Variants in RBKS observed in about 807,000 individuals in gnomAD.
RBKS encodes the protein ribokinase.
Under a neutral mutation model 33.9 loss-of-function variants are expected in RBKS, and 33 were observed. The ratio of observed to expected loss-of-function variants is 0.97; its 90% CI spans 0.74 to 1.30. The LOEUF is 1.30. RBKS is among the 50% of genes most tolerant of loss of function. The pLI is 0.00. For synonymous variants in RBKS, 125 were observed against 143.0 expected, an observed-to-expected ratio of 0.87 and a Z score of 0.90; for missense variants, 361 against 392.6, an observed-to-expected ratio of 0.92 and a Z score of 0.68.
intron 7 of RBKS, among the ~76,000 whole-genome samples, chr2:27,805,875 A>G (rs1313416922): frequency 6.7e-6 from 1 of 148,854 alleles, no homozygotes; most frequent in Non-Finnish European, 1.5e-5. Flanking sequence ...TTGCCCGGCC[A>G]AAAAATGGAT....
intron 5 of RBKS, among the ~76,000 whole-genome samples, chr2:27,833,353 C>G (rs1339576174): frequency 6.6e-6 from 1 of 151,890 alleles, no homozygotes; most frequent in African/African-American, 2.4e-5. Context: ...TGCACTTACA[C>G]AAAAGCTTAC....
intron 7 of RBKS, among the ~76,000 whole-genome samples, chr2:27,784,545 A>C (rs1677362901): frequency 6.6e-6 from 1 of 152,178 alleles, no homozygotes; most frequent in Admixed American, 6.5e-5. Context: ...GGGTTTGAAG[A>C]AAGCGCCCCC....
chr2:27,886,570 T>C (rs1667838862), intron 1 of RBKS, among the ~76,000 whole-genome samples: 3 of 152,032 alleles, frequency 2.0e-5, no homozygotes, highest in African/African-American at 4.8e-5. Flanking sequence ...GGTAGAATGA[T>C]ATAATGGAAA....
At chr2:27,833,009 C>T (rs1678453129) in intron 5 of RBKS, among the ~76,000 whole-genome samples, 1 of 152,000 alleles carries the variant, frequency 6.6e-6, no homozygotes, top group Non-Finnish European at 1.5e-5. Flanking sequence ...TTTCAGCTTC[C>T]AGGGAAAAGA....
intron 1 of RBKS, among the ~76,000 whole-genome samples, chr2:27,882,351 G>A (rs1055768351): frequency 2.0e-5 from 3 of 152,136 alleles, no homozygotes; most frequent in Non-Finnish European, 2.9e-5. Flanking sequence ...GATCATTAGC[G>A]AAATACAAAT....
intron 5 of RBKS, among the ~76,000 whole-genome samples, chr2:27,840,360 G>GCACACA (rs752347864): frequency 1.5e-5 from 1 of 68,328 alleles, no homozygotes; most frequent in Non-Finnish European, 3.8e-5. Flanking sequence ...ACACACGCGC[G>GCACACA]CGCGCACACA....
chr2:27,846,876 T>TA (rs2148213484), intron 4 of RBKS, among the ~76,000 whole-genome samples, 166 bp downstream of exon 4: 1 of 152,294 alleles, frequency 6.6e-6, no homozygotes, highest in South Asian at 2.1e-4. Context: ...GAAGTATAAA[T>TA]AAAGGGAAAC....
intron 7 of RBKS, among the ~76,000 whole-genome samples, chr2:27,816,414 TTTTTCC>T (rs1303905727): frequency 1.3e-5 from 2 of 152,306 alleles, no homozygotes; most frequent in East Asian, 3.9e-4. Flanking sequence ...TCTTCTTCAT[TTTTTCC>T]AGCCACCAGA....
intron 7 of RBKS, among the ~76,000 whole-genome samples, chr2:27,816,548 T>C (rs1678096590): frequency 6.6e-6 from 1 of 152,236 alleles, no homozygotes. Context: ...CTCTGTAACT[T>C]AGTTTTTTTT....
Position 27,837,255 on chromosome 2 carries a change from T to C in RBKS, c.515-4478A>G, listed in dbSNP as rs568417957. Among the ~76,000 whole-genome samples, 16 of 151,968 alleles carry C rather than the reference T, an allele frequency of 1.1e-4. 1 individual carries two copies. Among genetic ancestry groups the C allele is most frequent in the East Asian group, 9.7e-4 (5 of 5,166 alleles). On this transcript the variant is annotated intron_variant, in intron 5 of 7. Coordinates refer to ENST00000302188, the MANE Select transcript of RBKS (RefSeq NM_022128.3). The surrounding 1 kb of genome is among the most constrained non-coding windows in gnomAD (Gnocchi z 4.0). ...TGCCACTGCACTCCAGCCTGGGCGA[T>C]AGAGCGAGACTCCATCTCAAAAAAC...
chr2:27,801,949 G>GAAAAAAAAAAA (rs1397935633), intron 7 of RBKS, among the ~76,000 whole-genome samples: 3 of 54,748 alleles, frequency 5.5e-5, no homozygotes, highest in Non-Finnish European at 9.9e-5. Context: ...GAGTAGCTGG[G>GAAAAAAAAAAA]GAAAAAAAAA....
chr2:27,864,593 T>C (rs751040960), intron 1 of RBKS, among the ~76,000 whole-genome samples: 2 of 152,182 alleles, frequency 1.3e-5, no homozygotes, highest in Non-Finnish European at 2.9e-5. Flanking sequence ...GTTACCTCTT[T>C]AGAGAGGACT....
chr2:27,880,769 CACAA>C (rs1467167510), intron 1 of RBKS, among the ~76,000 whole-genome samples: 1 of 152,034 alleles, frequency 6.6e-6, no homozygotes, highest in Admixed American at 6.6e-5. Context: ...TCAGAGATGA[CACAA>C]ACAAATAGAA....
intron 1 of RBKS, among the ~76,000 whole-genome samples, chr2:27,881,362 G>A (rs908057964): frequency 2.6e-5 from 4 of 151,992 alleles, no homozygotes; most frequent in Admixed American, 2.0e-4. Context: ...TCAACATGGC[G>A]AAACCCCGTC....
In RBKS at chr2:27,890,387, C is replaced by A. The variant is rs1220825558; in HGVS notation, c.-42G>T. ...TGTCCAACCTGGACGGTGACCTCTG[C>A]CCTTTGCCCGACCCCGTAACCAGAG... On this transcript the variant is annotated 5_prime_UTR_variant, in exon 1 of 8. Transcript: ENST00000302188. This position sits in a 1 kb window ranked among gnomAD's most constrained non-coding sequence, Gnocchi z 4.8. 1.3e-6 allele frequency: 2 copies of A among 1,575,422 alleles called. No homozygotes were observed. The highest frequency in any genetic ancestry group is 8.6e-7 in the Non-Finnish European group (1 of 1,158,930).
At chr2:27,873,735 T>C (rs1160630704) in intron 1 of RBKS, among the ~76,000 whole-genome samples, 1 of 152,156 alleles carries the variant, frequency 6.6e-6, no homozygotes, top group Non-Finnish European at 1.5e-5. Context: ...TTGCACAAAT[T>C]ATTTTCTGCA....
At chr2:27,884,410 C>A (rs1664483256) in intron 1 of RBKS, among the ~76,000 whole-genome samples, 1 of 152,130 alleles carries the variant, frequency 6.6e-6, no homozygotes, top group Non-Finnish European at 1.5e-5. Context: ...CTACGCCCAG[C>A]TAATTTGTGT....
At chr2:27,839,687 C>G (rs544676738) in intron 5 of RBKS, among the ~76,000 whole-genome samples, 1 of 152,180 alleles carries the variant, frequency 6.6e-6, no homozygotes, top group East Asian at 1.9e-4. Flanking sequence ...TAAGAAAACC[C>G]ATAGATGATG....
chr2:27,885,608 T>C (rs1664511873), intron 1 of RBKS, among the ~76,000 whole-genome samples: 1 of 152,224 alleles, frequency 6.6e-6, no homozygotes, highest in Non-Finnish European at 1.5e-5. Flanking sequence ...TTTAGGTCTT[T>C]ACTCTAAATA....
Sources: gnomAD v4.1 joint callset for allele counts (sites outside exome capture counted in the v4.1 genomes callset) on GRCh38, gnomAD v4.1.1 for gene constraint, Gnocchi (gnomAD v3.1) non-coding constraint, MANE v1.5 for transcripts, NCBI Gene and HGNC (gene_info 2026-07-23, HGNC 2026-07-21) for gene names.